KCNMA1: variants seen among roughly 807,000 people sequenced by gnomAD.
KCNMA1 encodes potassium calcium-activated channel subfamily M alpha 1.
Under a neutral mutation model 140.0 loss-of-function variants are expected in KCNMA1, and 29 were observed. The ratio of observed to expected loss-of-function variants is 0.21; its 90% CI spans 0.15 to 0.28. The LOEUF (loss-of-function observed/expected upper bound fraction) is 0.28, where lower values mean the gene tolerates loss of function less well. Ranked by LOEUF, KCNMA1 falls within the 10% of genes least tolerant of loss-of-function variation. The probability of loss-of-function intolerance (pLI) is 1.00; values close to 1 mark genes in which losing one functional copy is unlikely to be tolerated. For missense variants in KCNMA1, 880 were observed against 1,602.2 expected, an observed-to-expected ratio of 0.55 and a Z score of 7.70; for synonymous variants, 612 against 611.9, an observed-to-expected ratio of 1.00 and a Z score of 0.00.
At chr10:76,985,392 T>A (rs2080979328) in intron 19 of KCNMA1, among the ~76,000 whole-genome samples, 1 of 152,140 alleles carries the variant, frequency 6.6e-6, no homozygotes, top group Admixed American at 6.6e-5. Context: ...TGCATTATAA[T>A]CTTACTAACA....
At chr10:77,085,956 C>T (rs978805165) in intron 11 of KCNMA1, among the ~76,000 whole-genome samples, 1 of 152,104 alleles carries the variant, frequency 6.6e-6, no homozygotes, top group Non-Finnish European at 1.5e-5. Flanking sequence ...AAAAGATTCG[C>T]CCATTATCAA....
chr10:77,105,796 A>G (rs1379310954), intron 9 of KCNMA1, among the ~76,000 whole-genome samples: 2 of 152,204 alleles, frequency 1.3e-5, no homozygotes, highest in African/African-American at 4.8e-5. Flanking sequence ...GAACAACTGT[A>G]GTTTCTCATT....
At chr10:76,879,841 T>A (rs755485057) in intron 29 of KCNMA1, among the ~76,000 whole-genome samples, 15 of 152,136 alleles carry the variant, frequency 9.9e-5, no homozygotes, top group Admixed American at 2.0e-4. Flanking sequence ...CAGAGAGGAG[T>A]AAAGTGTGAT....
intron 3 of KCNMA1, among the ~76,000 whole-genome samples, chr10:77,206,810 G>A (rs1165107262): frequency 6.7e-6 from 1 of 150,130 alleles, no homozygotes; most frequent in Non-Finnish European, 1.5e-5. Flanking sequence ...AGGGAGGCAG[G>A]GAGGGAGGGG....
At chr10:77,116,559 C>G (rs568702285) in intron 6 of KCNMA1, among the ~76,000 whole-genome samples, 25 of 152,084 alleles carry the variant, frequency 1.6e-4, no homozygotes, top group Non-Finnish European at 3.1e-4. Context: ...TTTTACTGCT[C>G]TCTTTGCTGG....
At chr10:77,155,489 G>A (rs1037769861) in intron 5 of KCNMA1, among the ~76,000 whole-genome samples, 7 of 152,052 alleles carry the variant, frequency 4.6e-5, no homozygotes, top group African/African-American at 1.7e-4. Context: ...TGATGGAGCC[G>A]CGGTTGAAAT....
At chr10:77,178,969 C>T (rs1475376964) in intron 5 of KCNMA1, among the ~76,000 whole-genome samples, 2 of 152,248 alleles carry the variant, frequency 1.3e-5, no homozygotes, top group South Asian at 4.1e-4. Context: ...TGCTGCTTGC[C>T]GACATGACTG....
intron 1 of KCNMA1, among the ~76,000 whole-genome samples, chr10:77,511,755 G>C (rs1441358536): frequency 6.6e-6 from 1 of 152,180 alleles, no homozygotes; most frequent in African/African-American, 2.4e-5. Flanking sequence ...TGACTATACA[G>C]TCGTCCCTGT....
At chr10:77,247,478 G>A (rs189140083) in intron 3 of KCNMA1, among the ~76,000 whole-genome samples, 37 of 152,292 alleles carry the variant, frequency 2.4e-4, no homozygotes, top group African/African-American at 3.4e-4. Flanking sequence ...CCCACAGGGC[G>A]TCTGCAGGCA....
At chr10:77,441,986 T>G (rs10824546) in intron 1 of KCNMA1, among the ~76,000 whole-genome samples, 1 of 152,034 alleles carries the variant, frequency 6.6e-6, no homozygotes, top group Non-Finnish European at 1.5e-5. Flanking sequence ...CTGTCCTGGA[T>G]GAGCTAGGGA....
At chr10:76,896,872 C>G (rs941830003) in intron 25 of KCNMA1, among the ~76,000 whole-genome samples, 2 of 151,628 alleles carry the variant, frequency 1.3e-5, no homozygotes, top group African/African-American at 4.8e-5. Context: ...AAAAAAAAAC[C>G]ACTGAATCGT....
chr10:77,259,566 T>C (rs1002638409), intron 2 of KCNMA1, among the ~76,000 whole-genome samples: 13 of 152,194 alleles, frequency 8.5e-5, no homozygotes, highest in Non-Finnish European at 1.5e-5. Flanking sequence ...TCTGGCTTTA[T>C]TTCACATGCT....
rs552320772 is a variant in KCNMA1, at chr10:77,104,002, C to G, written c.1223+4479G>C. On this transcript the variant is annotated intron_variant, in intron 9 of 27. Coordinates refer to ENST00000286628, the MANE Select transcript of KCNMA1 (RefSeq NM_001161352.2). ...AGTCTCAAGAGATGACATGGAGAGG[C>G]AGCAGGACGCAGGGAAGCAGGCTGT... Among the ~76,000 whole-genome samples the G allele has an allele frequency of 1.8e-4, 28 of 152,304 alleles. 1 individual carries two copies. The highest frequency in any genetic ancestry group is 6.5e-4 in the African/African-American group (27 of 41,578).
chr10:77,491,685 A>G (rs570804471), intron 1 of KCNMA1, among the ~76,000 whole-genome samples: 3 of 149,894 alleles, frequency 2.0e-5, no homozygotes, highest in Non-Finnish European at 3.0e-5. Flanking sequence ...TGTGGGCCTC[A>G]CCCTGGGGGG....
intron 2 of KCNMA1, among the ~76,000 whole-genome samples, chr10:77,345,179 T>G (rs1224188446): frequency 6.6e-6 from 1 of 152,220 alleles, no homozygotes; most frequent in Non-Finnish European, 1.5e-5. Context: ...ATGGCTTCCT[T>G]GTGTTTCCTG....
intron 1 of KCNMA1, among the ~76,000 whole-genome samples, chr10:77,474,697 T>C (rs187874527): frequency 1.3e-5 from 2 of 152,224 alleles, no homozygotes; most frequent in Admixed American, 1.3e-4. Flanking sequence ...AGCCCTGGAC[T>C]TCTCTGTCAT....
At chr10:77,546,030 T>C (rs576955520) in intron 1 of KCNMA1, among the ~76,000 whole-genome samples, 5 of 152,244 alleles carry the variant, frequency 3.3e-5, no homozygotes, top group African/African-American at 1.2e-4. Flanking sequence ...AACTCACTTA[T>C]TCCAGGCCCA....
intron 1 of KCNMA1, among the ~76,000 whole-genome samples, chr10:77,594,550 C>T (rs1043197231): frequency 1.2e-4 from 18 of 152,194 alleles, no homozygotes; most frequent in East Asian, 3.9e-4. Context: ...TCAGTCTCCA[C>T]GGTTCTGAAC....
At chr10:77,539,288 A>G (rs2059628701) in intron 1 of KCNMA1, among the ~76,000 whole-genome samples, 2 of 152,236 alleles carry the variant, frequency 1.3e-5, no homozygotes, top group Admixed American at 1.3e-4. Context: ...CACCTAAGTC[A>G]GGTTGCTTGT....
Sources: allele counts gnomAD v4.1 joint callset (sites outside exome capture counted in the v4.1 genomes callset), GRCh38; gene constraint gnomAD v4.1.1; transcripts MANE v1.5; gene names NCBI Gene and HGNC (gene_info 2026-07-23, HGNC 2026-07-21).